The following PCGF3 variants were observed in gnomAD, a reference collection of about 807,000 sequenced individuals.
PCGF3 encodes polycomb group ring finger 3, also known as polycomb group RING finger protein 3.
PCGF3 carries 7 observed loss-of-function variants against 33.1 expected under a neutral mutation model. The observed-to-expected ratio is 0.21, with a 90% CI of 0.12 to 0.40. The LOEUF (loss-of-function observed/expected upper bound fraction) is 0.40, where lower values mean the gene tolerates loss of function less well. Among genes scored for constraint, PCGF3 ranks in the 10% least tolerant of loss-of-function variants. PCGF3 has a pLI of 1.00. For missense variants in PCGF3, 211 were observed against 313.3 expected, an observed-to-expected ratio of 0.67 and a Z score of 2.46; for synonymous variants, 153 against 121.3, an observed-to-expected ratio of 1.26 and a Z score of -1.72.
intron 7 of PCGF3, among the ~76,000 whole-genome samples, 178 bp from the exon 8 acceptor site, chr4:744,422 C>T (rs932806962): frequency 6.6e-6 from 1 of 152,254 alleles, no homozygotes; most frequent in East Asian, 1.9e-4. Context: ...GTTCTGCATC[C>T]TGGGGAGACC....
At chr4:728,493 C>T (rs1202814618) in intron 1 of PCGF3, among the ~76,000 whole-genome samples, 4 of 152,122 alleles carry the variant, frequency 2.6e-5, no homozygotes, top group Non-Finnish European at 5.9e-5. Context: ...TGGGGGGCAG[C>T]GTGCATAGCT....
rs117799606 is a variant in PCGF3 at position 754,064 on chromosome 4, A to G, written c.463-7215A>G. Reference sequence around the variant, plus strand: ...GCACCCACAGACCCAGTGGGACTGCAGGGCTGGTGTGGTCTCTGCTCATCT... The same window carrying G: ...GCACCCACAGACCCAGTGGGACTGCGGGGCTGGTGTGGTCTCTGCTCATCT... On this transcript the variant is annotated intron_variant, in intron 8 of 10. Transcript: ENST00000362003. 3.2e-3 allele frequency among the ~76,000 whole-genome samples: 484 copies of G among 152,284 alleles called. 13 individuals carry two copies. The East Asian group carries it at 0.065, about 20-fold the overall frequency.
chr4:741,658 C>T (rs1419560849), intron 6 of PCGF3, among the ~76,000 whole-genome samples: 2 of 152,216 alleles, frequency 1.3e-5, no homozygotes, highest in African/African-American at 4.8e-5. Context: ...CCGCCCGCCT[C>T]AGCCTCCCAC....
At chr4:761,474 A>T in intron 9 of PCGF3, 58 bp downstream of exon 9, 1 of 1,479,032 alleles carries the variant, frequency 6.8e-7, no homozygotes, top group South Asian at 1.3e-5. Flanking sequence ...TCTAAAGGTA[A>T]CTCCAAGATT....
At chr4:732,234 G>A (rs187042108) in intron 3 of PCGF3, among the ~76,000 whole-genome samples, 1 of 146,244 alleles carries the variant, frequency 6.8e-6, no homozygotes, top group East Asian at 2.0e-4. Flanking sequence ...AGGGGCGTAG[G>A]GTGGGGCTCC....
At chr4:764,291 A>T (rs906627393) in intron 9 of PCGF3, among the ~76,000 whole-genome samples, 42 of 152,242 alleles carry the variant, frequency 2.8e-4, no homozygotes, top group African/African-American at 9.6e-4. Context: ...TTCTTTAAAA[A>T]GTCTAATTTT....
chr4:760,092 A>G (rs1226642487), intron 8 of PCGF3, among the ~76,000 whole-genome samples: 5 of 152,196 alleles, frequency 3.3e-5, no homozygotes, highest in Non-Finnish European at 7.3e-5. Flanking sequence ...CACAGAATCC[A>G]CTTATCTCCC....
chr4:742,293 G>T (rs1345150392), intron 6 of PCGF3, among the ~76,000 whole-genome samples: 1 of 151,998 alleles, frequency 6.6e-6, no homozygotes, highest in East Asian at 1.9e-4. Context: ...GTCCAAGCTC[G>T]TTGCCTCACG....
chr4:750,445 T>C (rs6845891), intron 8 of PCGF3, among the ~76,000 whole-genome samples: 31,166 of 152,166 alleles, frequency 0.2, 3,709 homozygotes, highest in Middle Eastern at 0.27. Flanking sequence ...CTGGTTGGTG[T>C]GGTGGGTAAA....
At chr4:768,505 TGAA>T (rs1328191978) in exon 11 of PCGF3, 5 of 151,938 alleles carry the variant, frequency 3.3e-5, no homozygotes, top group Non-Finnish European at 7.4e-5. Flanking sequence ...GGAGTTACTG[TGAA>T]GAAGTTTTCA....
intron 5 of PCGF3, among the ~76,000 whole-genome samples, chr4:736,660 G>A (rs1438948773): frequency 7.5e-6 from 1 of 133,486 alleles, no homozygotes; most frequent in African/African-American, 2.8e-5. Flanking sequence ...GGTGTCCACA[G>A]GGACGGTGTC....
At chr4:727,070 C>A (rs1340743796) in intron 1 of PCGF3, among the ~76,000 whole-genome samples, 2 of 152,168 alleles carry the variant, frequency 1.3e-5, no homozygotes, top group African/African-American at 4.8e-5. Context: ...TGCTCACTCT[C>A]ACTGCCGAGC....
intron 1 of PCGF3, among the ~76,000 whole-genome samples, chr4:718,239 C>T (rs1161214677): frequency 6.6e-5 from 10 of 152,020 alleles, no homozygotes; most frequent in South Asian, 2.1e-4. Context: ...GGAGAGGAAA[C>T]GTGGAGTCGG....
rs569592475 is a variant in PCGF3 at position 721,073 on chromosome 4, G to A, written c.-189-9557G>A. ...CCACGTGGCACCACCCCTCCCACCT[G>A]GGCTGGGCACCCATGAGGCTGAGGA... On this transcript the variant is annotated intron_variant, in intron 1 of 10. Transcript: ENST00000362003. This position sits in a 1 kb window ranked among gnomAD's most constrained non-coding sequence, Gnocchi z 4.1. Among the ~76,000 whole-genome samples, 8 of 152,234 alleles carry A rather than the reference G, an allele frequency of 5.3e-5. No individual in the cohort carries two copies. Among genetic ancestry groups the A allele is most frequent in the African/African-American group, 1.7e-4 (7 of 41,548 alleles).
chr4:707,714 C>CTGGACAGTG (rs1319095418), intron 1 of PCGF3, among the ~76,000 whole-genome samples: 1 of 127,476 alleles, frequency 7.8e-6, no homozygotes, highest in African/African-American at 2.9e-5. Context: ...GACCCTGAGA[C>CTGGACAGTG]AGCTCTGTTT....
At chr4:756,834 G>T (rs951109130) in intron 8 of PCGF3, among the ~76,000 whole-genome samples, 1 of 152,128 alleles carries the variant, frequency 6.6e-6, no homozygotes, top group Non-Finnish European at 1.5e-5. Context: ...CCTGCCGGGG[G>T]CTCTGAGGTG....
In PCGF3 at chr4:733,616, A is replaced by G. The variant is rs541011242; in HGVS notation, c.-9-56A>G. 5.2e-6 allele frequency: 8 copies of G among 1,537,964 alleles called. No individual in the cohort carries two copies. The Admixed American group carries it at 1.3e-4, about 24-fold the overall frequency. Reference sequence around the variant, plus strand: ...GGGGGCGGCTGTCAGAGCTCAGCCAAGGATGAAAGGCATGGAAGAGTTTCA... The same window carrying G: ...GGGGGCGGCTGTCAGAGCTCAGCCAGGGATGAAAGGCATGGAAGAGTTTCA... On this transcript the variant is annotated intron_variant, in intron 3 of 10. Coordinates refer to ENST00000362003, the Ensembl canonical transcript of PCGF3.
At chr4:739,869 A>C (rs1317157123) in intron 6 of PCGF3, among the ~76,000 whole-genome samples, 1 of 152,242 alleles carries the variant, frequency 6.6e-6, no homozygotes, top group Non-Finnish European at 1.5e-5. Flanking sequence ...GGAGTGCTCC[A>C]GATTGACACC....
intron 1 of PCGF3, among the ~76,000 whole-genome samples, chr4:717,449 G>T (rs1341775562): frequency 6.6e-6 from 1 of 152,020 alleles, no homozygotes; most frequent in African/African-American, 2.4e-5. Flanking sequence ...GCAGGGTCTC[G>T]GCTCACTGTA....
Sources: allele counts gnomAD v4.1 joint callset (sites outside exome capture counted in the v4.1 genomes callset), GRCh38; gene constraint gnomAD v4.1.1; non-coding constraint Gnocchi (gnomAD v3.1); transcripts MANE v1.5; gene names NCBI Gene and HGNC (gene_info 2026-07-23, HGNC 2026-07-21).